CFAP57: variants seen among roughly 807,000 people sequenced by gnomAD.
CFAP57 encodes the protein cilia- and flagella-associated protein 57.
In CFAP57, 116 loss-of-function variants were observed where a neutral mutation model predicts 146.8. The ratio of observed to expected loss-of-function variants is 0.79; its 90% CI spans 0.68 to 0.92. The LOEUF is 0.92. Among genes scored for constraint, CFAP57 ranks in the 40% least tolerant of loss-of-function variants. The pLI, the probability that CFAP57 is intolerant of heterozygous loss-of-function variation, is 0.00. For missense variants in CFAP57, 1,377 were observed against 1,527.2 expected, an observed-to-expected ratio of 0.90 and a Z score of 1.64; for synonymous variants, 518 against 552.8, an observed-to-expected ratio of 0.94 and a Z score of 0.88.
intron 3 of CFAP57, among the ~76,000 whole-genome samples, chr1:43,183,208 G>A (rs1032052885): frequency 1.9e-4 from 29 of 152,214 alleles, no homozygotes; most frequent in Admixed American, 2.0e-4. Flanking sequence ...GTTGGTAGGA[G>A]ACCACATAGC....
chr1:43,250,542 A>C (rs1646297899), intron 22 of CFAP57, among the ~76,000 whole-genome samples: 1 of 152,230 alleles, frequency 6.6e-6, no homozygotes, highest in African/African-American at 2.4e-5. Flanking sequence ...GGGGCCAAAT[A>C]GTATTGCAAA....
In CFAP57 at chr1:43,228,319, G is replaced by A. The variant is rs567412769; in HGVS notation, c.3009+1193G>A. Reference sequence around the variant, plus strand: ...GCCTGGAAGGCTCTTCCCCCAGATCGCCACATGGCTGGCTTCTTTGCATCT... The same window carrying A: ...GCCTGGAAGGCTCTTCCCCCAGATCACCACATGGCTGGCTTCTTTGCATCT... On this transcript the variant is annotated intron_variant, in intron 18 of 22. Coordinates refer to ENST00000372492, the MANE Select transcript of CFAP57 (RefSeq NM_001378189.1). Among the ~76,000 whole-genome samples, 116 of 152,308 alleles carry A rather than the reference G, an allele frequency of 7.6e-4. 1 individual carries two copies. The highest frequency in any genetic ancestry group is 2.6e-3 in the African/African-American group (107 of 41,562).
chr1:43,234,573 A>T lies in CFAP57; in HGVS notation c.3340A>T (p.Thr1114Ser), dbSNP rs1481527046. ...GGAGCACCTGGAGAGGAACCTGGCCACTCTCAAGAAGAAGGTGGTCAAGGA... is the reference window on the plus strand; with the variant it reads ...GGAGCACCTGGAGAGGAACCTGGCCTCTCTCAAGAAGAAGGTGGTCAAGGA... ...QREHLERNLA[T>S]LKKKVVKEGE... Residue 1114 changes from threonine (T) to serine (S), a missense_variant, in exon 21 of 23, where the codon ACT becomes TCT. Transcript: ENST00000372492. 6.5e-7 allele frequency: 1 copy of T among 1,550,352 alleles called. No individual in the cohort carries two copies. The highest frequency in any genetic ancestry group is 2.0e-5 in the Admixed American group (1 of 50,984).
At chr1:43,176,679 CAAAATA>C (rs1343825407) in intron 2 of CFAP57, among the ~76,000 whole-genome samples, 1 of 151,988 alleles carries the variant, frequency 6.6e-6, no homozygotes, top group African/African-American at 2.4e-5. Flanking sequence ...GAGTGACAAA[CAAAATA>C]AAAAGAAGTA....
chr1:43,237,872 G>A (rs1645763887), intron 21 of CFAP57, among the ~76,000 whole-genome samples: 1 of 152,192 alleles, frequency 6.6e-6, no homozygotes, highest in Non-Finnish European at 1.5e-5. Context: ...TTCTTAAGTA[G>A]GGGTGTCTTT....
chr1:43,222,140 G>A lies in CFAP57; in HGVS notation c.2377G>A (p.Glu793Lys). ...CNNQKLLLEY[E>K]KYQELQLKSQ... ...CAACCAAAAGTTGCTTCTAGAATAT[G>A]AGAAGTACCAGGAGCTGCAGCTCAA... Residue 793 changes from glutamate to lysine, a missense_variant, in exon 15 of 23, where the codon GAG becomes AAG. Physicochemically the swap from Glu to Lys is moderately conservative, Grantham distance 56. Transcript: ENST00000372492. The A allele has an allele frequency of 6.5e-7, 1 of 1,548,216 alleles. No homozygotes were observed. Among genetic ancestry groups the A allele is most frequent in the Non-Finnish European group, 8.7e-7 (1 of 1,145,654 alleles).
chr1:43,213,888 C>CTTT (rs35273028), intron 11 of CFAP57, among the ~76,000 whole-genome samples: 5 of 139,740 alleles, frequency 3.6e-5, no homozygotes, highest in Non-Finnish European at 6.2e-5. Flanking sequence ...CCTTAGCCCA[C>CTTT]TTTTTTTTTT....
At chr1:43,189,657 G>A (rs1328935161) in intron 6 of CFAP57, among the ~76,000 whole-genome samples, 1 of 152,136 alleles carries the variant, frequency 6.6e-6, no homozygotes, top group Non-Finnish European at 1.5e-5. Flanking sequence ...TTCTGGCATT[G>A]CTATAAACGA....
At chr1:43,245,469 A>T (rs1276848194) in intron 22 of CFAP57, among the ~76,000 whole-genome samples, 7 of 152,148 alleles carry the variant, frequency 4.6e-5, no homozygotes, top group Non-Finnish European at 1.0e-4. Flanking sequence ...ATTGAGAGAG[A>T]AGTCTAATCA....
chr1:43,244,763 C>T (rs751781129), intron 22 of CFAP57, among the ~76,000 whole-genome samples: 3 of 151,934 alleles, frequency 2.0e-5, no homozygotes, highest in African/African-American at 4.8e-5. Context: ...ATTAGCTGGG[C>T]GTGGTGGCGC....
chr1:43,214,535 T>G (rs998738241), intron 11 of CFAP57, among the ~76,000 whole-genome samples: 2 of 152,214 alleles, frequency 1.3e-5, no homozygotes, highest in Non-Finnish European at 2.9e-5. Context: ...ATATTTTTAA[T>G]TTTTTCCAGT....
intron 18 of CFAP57, among the ~76,000 whole-genome samples, chr1:43,229,802 G>A (rs561605257): frequency 3.9e-5 from 5 of 128,166 alleles, no homozygotes; most frequent in South Asian, 2.7e-4. Flanking sequence ...GTTTAGCAGC[G>A]TCCCTGGTCC....
intron 11 of CFAP57, among the ~76,000 whole-genome samples, chr1:43,213,477 C>G (rs1408556534): frequency 6.9e-6 from 1 of 143,960 alleles, no homozygotes; most frequent in African/African-American, 2.6e-5. Flanking sequence ...GATTCCATAT[C>G]TTTACTATTG....
intron 13 of CFAP57, among the ~76,000 whole-genome samples, chr1:43,220,725 C>A (rs1645011231): frequency 6.6e-6 from 1 of 151,836 alleles, no homozygotes; most frequent in African/African-American, 2.4e-5. Context: ...CCCTGTCCCT[C>A]ACCCCCTAAA....
At position 43,244,315 on chromosome 1, in the gene CFAP57, TTG is replaced by T. The variant is rs370909130; in HGVS notation, c.3538+958_3538+959del. ...ATGGATTGGGTCTCTGAAGTGTCAG[TTG>T]TCTCTTGTCCCATGGTCACATAAGC... On this transcript the variant is annotated intron_variant, in intron 22 of 22. Coordinates refer to ENST00000372492, the MANE Select transcript of CFAP57 (RefSeq NM_001378189.1). Among the ~76,000 whole-genome samples, 258 of 152,352 alleles carry T rather than the reference TTG, an allele frequency of 1.7e-3. 12 individuals carry two copies. The South Asian group carries it at 0.052, about 30-fold the overall frequency.
rs1166184805 is a variant in CFAP57 at position 43,209,808 on chromosome 1, CATG to C, written c.1825_1827del (p.Met609del). On this transcript the variant is annotated inframe_deletion, in exon 11 of 23. Coordinates refer to ENST00000372492, the MANE Select transcript of CFAP57 (RefSeq NM_001378189.1). ...CCATTGTCATCTCGCATTCTGGACG[CATG>C]ATGTTTGTGGGCACCTCGGTGGGAA... 23 of 1,614,174 alleles carry C rather than the reference CATG, an allele frequency of 1.4e-5. No homozygotes were observed. Among genetic ancestry groups the C allele is most frequent in the Non-Finnish European group, 1.9e-5 (23 of 1,180,040 alleles).
At chr1:43,226,894 G>C in intron 17 of CFAP57, 89 bp from the exon 18 acceptor site, 1 of 1,383,182 alleles carries the variant, frequency 7.2e-7, no homozygotes, top group Non-Finnish European at 9.5e-7. Context: ...AACCAGGAGA[G>C]TCACAGGCTT....
intron 3 of CFAP57, 34 bp downstream of exon 3, chr1:43,181,884 A>C (rs1351391148): frequency 6.2e-7 from 1 of 1,607,830 alleles, no homozygotes. Context: ...CGTGAAAATT[A>C]TAAAAAATAG....
At chr1:43,243,503 C>T (rs1646004585) in intron 22 of CFAP57, 144 bp downstream of exon 22, 3 of 840,140 alleles carry the variant, frequency 3.6e-6, no homozygotes, top group African/African-American at 1.7e-5. Flanking sequence ...CACACACCTG[C>T]TCTTTGAGGA....
Sources: allele counts gnomAD v4.1 joint callset (sites outside exome capture counted in the v4.1 genomes callset), GRCh38; gene constraint gnomAD v4.1.1; transcripts MANE v1.5; gene names NCBI Gene and HGNC (gene_info 2026-07-23, HGNC 2026-07-21).